DNAH12: variants seen among roughly 807,000 people sequenced by gnomAD.
DNAH12 encodes axonemal beta dynein heavy chain 12.
In DNAH12, 285 loss-of-function variants were observed where a neutral mutation model predicts 371.5. The ratio of observed to expected loss-of-function variants is 0.77; its 90% confidence interval spans 0.70 to 0.85. The LOEUF (loss-of-function observed/expected upper bound fraction) is 0.85, where lower values mean the gene tolerates loss of function less well. Ranked by LOEUF, DNAH12 falls within the 40% of genes least tolerant of loss-of-function variation. DNAH12 has a pLI of 0.00. For missense variants in DNAH12, 3,611 were observed against 3,689.4 expected (o/e 0.98, Z 0.55); for synonymous variants, 1,200 against 1,213.0 (o/e 0.99, Z 0.22).
At chr3:57,421,900 G>GTTTTTTTT (rs1383551758) in intron 35 of DNAH12, among the ~76,000 whole-genome samples, 194 bp from the exon 36 acceptor site, 13 of 97,700 alleles carry the variant, frequency 1.3e-4, no homozygotes, top group African/African-American at 7.3e-4. Context: ...ATGTTTGCAT[G>GTTTTTTTT]TCTTTTTTTT....
Position 57,433,367 on chromosome 3 carries a change from CTTT to C in DNAH12, c.4977_4979del (p.Lys1660del), listed in dbSNP as rs1453116677. 6.5e-7 allele frequency: 1 copy of C among 1,547,566 alleles called. No homozygotes were observed. Among genetic ancestry groups the C allele is most frequent in the South Asian group, 1.2e-5 (1 of 82,784 alleles). On this transcript the variant is annotated inframe_deletion and splice_region_variant, in exon 32 of 74. Transcript: ENST00000495027. ...TGCTTCTCTTTTGATCATGATTTAC[CTTT>C]TTATTATCATCCAATACTGTGTTCA...
intron 32 of DNAH12, among the ~76,000 whole-genome samples, chr3:57,432,446 C>T (rs1412387335): frequency 2.0e-5 from 3 of 151,644 alleles, no homozygotes; most frequent in African/African-American, 7.3e-5. Flanking sequence ...TCCCAAAGTG[C>T]TGGGATAACA....
At chr3:57,405,524 A>G in intron 41 of DNAH12, 129 bp downstream of exon 41, 1 of 1,089,616 alleles carries the variant, frequency 9.2e-7, no homozygotes, top group Non-Finnish European at 1.3e-6. Context: ...TCTCAAAACA[A>G]ACACCTATTT....
chr3:57,523,746 A>C (rs953717801), intron 3 of DNAH12, 57 bp downstream of exon 3: 3 of 1,474,136 alleles, frequency 2.0e-6, no homozygotes, highest in Admixed American at 4.4e-5. Context: ...AGATTGTCTT[A>C]ACTACAAATT....
In DNAH12 at chr3:57,310,919, A is replaced by C; in HGVS notation, c.10694T>G (p.Phe3565Cys). Residue 3565 changes from phenylalanine (F) to cysteine (C), a missense_variant, in exon 67 of 74, where the codon TTT (phenylalanine) becomes TGT (cysteine). Physicochemically the swap from Phe to Cys is radical, Grantham distance 205. Transcript: ENST00000495027. ...CCCAGTCAGGTAAGATATAGCTTCA[A>C]ATGGAATTGTATCATATTCATTGAT... is the stretch of plus-strand genomic sequence containing the variant. The part of the protein sequence containing the change: ...LFINEYDTIP[F>C]EAISYLTGEC... 6.4e-7 allele frequency: 1 copy of C among 1,551,374 alleles called. No homozygotes were observed. The highest frequency in any genetic ancestry group is 8.7e-7 in the Non-Finnish European group (1 of 1,146,700).
chr3:57,525,756 C>CTTTGTTTTTTTTTTT, intron 2 of DNAH12, among the ~76,000 whole-genome samples: 1 of 76,268 alleles, frequency 1.3e-5, no homozygotes, highest in Non-Finnish European at 2.2e-5. Flanking sequence ...ATGTCTTATT[C>CTTTGTTTTTTTTTTT]TTTTTTTTTT....
intron 25 of DNAH12, among the ~76,000 whole-genome samples, chr3:57,450,242 T>G (rs1462797110): frequency 8.6e-5 from 2 of 23,368 alleles, no homozygotes; most frequent in Non-Finnish European, 9.1e-5. Flanking sequence ...AGTGAGACTG[T>G]CTCAATTTAA....
intron 65 of DNAH12, among the ~76,000 whole-genome samples, chr3:57,317,207 TTAA>T (rs2061705150): frequency 6.6e-6 from 1 of 152,224 alleles, no homozygotes; most frequent in South Asian, 2.1e-4. Context: ...CATACATGTT[TTAA>T]TAATTTTCAT....
intron 58 of DNAH12, among the ~76,000 whole-genome samples, chr3:57,363,038 T>A (rs1353633039): frequency 6.6e-6 from 1 of 152,218 alleles, no homozygotes; most frequent in African/African-American, 2.4e-5. Flanking sequence ...CTTGAATTAA[T>A]TTTTGTATAA....
At chr3:57,360,613 G>A (rs1017309860) in intron 58 of DNAH12, among the ~76,000 whole-genome samples, 5 of 152,150 alleles carry the variant, frequency 3.3e-5, no homozygotes, top group East Asian at 1.9e-4. Flanking sequence ...GCTTGAACTC[G>A]GAGGCGAAGG....
intron 4 of DNAH12, among the ~76,000 whole-genome samples, chr3:57,520,389 C>A (rs1394026014): frequency 6.6e-6 from 1 of 151,040 alleles, no homozygotes; most frequent in African/African-American, 2.4e-5. Flanking sequence ...CTGCGCCTGA[C>A]CGTTTTTACC....
At chr3:57,508,644 G>A (rs2067868024) in intron 6 of DNAH12, 104 bp from the exon 7 acceptor site, 2 of 1,337,498 alleles carry the variant, frequency 1.5e-6, no homozygotes, top group Non-Finnish European at 1.0e-6. Flanking sequence ...GAGAAAACTG[G>A]GGCTTGAGAA....
chr3:57,482,365 C>A (rs1330315234), intron 13 of DNAH12, among the ~76,000 whole-genome samples: 3 of 152,106 alleles, frequency 2.0e-5, no homozygotes. Context: ...ATCAAAACCA[C>A]AATGAGATAC....
intron 45 of DNAH12, among the ~76,000 whole-genome samples, chr3:57,390,424 A>AAAAAAATATATATATATATAT: frequency 3.0e-5 from 1 of 33,436 alleles, no homozygotes. Flanking sequence ...AAAAAAAAAA[A>AAAAAAATATATATATATATAT]ATATATATAT....
chr3:57,343,007 G>A (rs1178446143), intron 60 of DNAH12, among the ~76,000 whole-genome samples: 1 of 152,060 alleles, frequency 6.6e-6, no homozygotes. Flanking sequence ...GGCAGGTGGA[G>A]GTTGCAGTGA....
At position 57,453,346 on chromosome 3, in the gene DNAH12, C is replaced by T; in HGVS notation, c.3514G>A (p.Val1172Ile). ...QNQLNEIVEL[V>I]RGKLSKQTRT... The stretch of plus-strand genomic sequence containing the variant: ...GTCTGCTTAGACAACTTTCCTCTTA[C>T]CAGCTCTACAATCTCATTCAGTTGG... Residue 1172 changes from valine to isoleucine, a missense_variant, in exon 24 of 74, where the codon GTA (valine) becomes ATA (isoleucine). Physicochemically the swap from Val to Ile is conservative, Grantham distance 29. Transcript: ENST00000495027. 1.3e-6 allele frequency: 2 copies of T among 1,551,172 alleles called. No individual in the cohort carries two copies. The highest frequency in any genetic ancestry group is 1.7e-6 in the Non-Finnish European group (2 of 1,146,770).
intron 60 of DNAH12, among the ~76,000 whole-genome samples, chr3:57,349,687 A>G (rs2062626289): frequency 6.6e-6 from 1 of 152,066 alleles, no homozygotes; most frequent in African/African-American, 2.4e-5. Flanking sequence ...ATTGGAGACT[A>G]CTACTTTATT....
intron 11 of DNAH12, among the ~76,000 whole-genome samples, chr3:57,500,495 T>C (rs1223650935): frequency 6.6e-6 from 1 of 152,226 alleles, no homozygotes; most frequent in Non-Finnish European, 1.5e-5. Flanking sequence ...AAATCTTCCA[T>C]GTACTGTGTC....
chr3:57,542,871 C>T lies in DNAH12; in HGVS notation c.-1G>A. On this transcript the variant is annotated 5_prime_UTR_variant, in exon 2 of 74. Transcript: ENST00000495027. ...TGGCAGCTTTGTTTGCATCTGACAT[C>T]TTGATCCCCTAAAGATTAAAATACT... The T allele has an allele frequency of 6.3e-7, 1 of 1,581,390 alleles. No individual in the cohort carries two copies. The highest frequency in any genetic ancestry group is 2.2e-5 in the East Asian group (1 of 44,646).
Sources: allele counts gnomAD v4.1 joint callset (sites outside exome capture counted in the v4.1 genomes callset), GRCh38; gene constraint gnomAD v4.1.1; transcripts MANE v1.5; gene names NCBI Gene and HGNC (gene_info 2026-07-23, HGNC 2026-07-21).